CDYL: variants seen among roughly 807,000 people sequenced by gnomAD.
CDYL encodes chromodomain Y-like protein.
CDYL carries 8 observed loss-of-function variants against 47.3 expected under a neutral mutation model. The observed-to-expected ratio is 0.17, with a 90% CI of 0.10 to 0.31. The LOEUF (loss-of-function observed/expected upper bound fraction) is 0.31, where lower values mean the gene tolerates loss of function less well. CDYL is among the 10% of genes least tolerant of loss of function. CDYL has a pLI of 1.00. For missense variants in CDYL, 471 were observed against 701.4 expected, an observed-to-expected ratio of 0.67 and a Z score of 3.71; for synonymous variants, 266 against 265.0, an observed-to-expected ratio of 1.00 and a Z score of -0.04.
chr6:4,741,294 A>G (rs190606049), intron 3 of CDYL, among the ~76,000 whole-genome samples: 1 of 152,276 alleles, frequency 6.6e-6, no homozygotes, highest in African/African-American at 2.4e-5. Context: ...CACCTTCTCC[A>G]TAGTCTTAAA....
intron 2 of CDYL, among the ~76,000 whole-genome samples, chr6:4,900,828 T>TATATATATACATACAC (rs1757025805): frequency 1.0e-5 from 1 of 99,372 alleles, no homozygotes; most frequent in African/African-American, 3.6e-5. Flanking sequence ...TATATATATA[T>TATATATATACATACAC]ATCTTGCCTG....
intron 6 of CDYL, among the ~76,000 whole-genome samples, chr6:4,953,270 A>G (rs1019373896): frequency 6.6e-6 from 1 of 151,644 alleles, no homozygotes; most frequent in Admixed American, 6.6e-5. Flanking sequence ...TGTAATCCCA[A>G]CTACTCGAGA....
chr6:4,819,243 T>A (rs1393770017), intron 1 of CDYL, among the ~76,000 whole-genome samples: 1 of 151,988 alleles, frequency 6.6e-6, no homozygotes, highest in Non-Finnish European at 1.5e-5. Flanking sequence ...GCATTGGATT[T>A]AATGCTTTTA....
intron 2 of CDYL, among the ~76,000 whole-genome samples, chr6:4,903,078 G>A (rs757461650): frequency 7.8e-4 from 119 of 152,252 alleles, no homozygotes; most frequent in Non-Finnish European, 1.4e-3. Context: ...TTCTGCTTCC[G>A]TTATTAGTGT....
intron 3 of CDYL, among the ~76,000 whole-genome samples, chr6:4,769,561 T>A (rs1191757525): frequency 1.3e-5 from 2 of 152,212 alleles, no homozygotes; most frequent in Non-Finnish European, 2.9e-5. Flanking sequence ...TGCGTAAAAG[T>A]CAAAATGTTG....
chr6:4,823,544 G>T (rs558956449), intron 1 of CDYL, among the ~76,000 whole-genome samples: 2 of 152,220 alleles, frequency 1.3e-5, no homozygotes, highest in Admixed American at 1.3e-4. Context: ...TAATCACAAT[G>T]TTGTATTTGT....
chr6:4,922,038 C>T (rs758536460), intron 2 of CDYL, among the ~76,000 whole-genome samples: 4 of 152,136 alleles, frequency 2.6e-5, no homozygotes, highest in South Asian at 2.1e-4. Context: ...CTGGGTATGA[C>T]GGAGGCTGCA....
chr6:4,836,280 A>G (rs1760303501), intron 1 of CDYL: 1 of 984,604 alleles, frequency 1.0e-6, no homozygotes, highest in South Asian at 4.7e-5. Context: ...AACTACATAA[A>G]GAAGAAAAAA....
intron 2 of CDYL, chr6:4,734,621 T>C: frequency 8.5e-7 from 1 of 1,178,214 alleles, no homozygotes; most frequent in Non-Finnish European, 1.2e-6. Flanking sequence ...AGAGACCAGT[T>C]TCTATGTTCA....
chr6:4,760,376 A>G (rs1335146794), intron 3 of CDYL, among the ~76,000 whole-genome samples: 1 of 151,762 alleles, frequency 6.6e-6, no homozygotes, highest in Non-Finnish European at 1.5e-5. Flanking sequence ...GCAATACAAA[A>G]AAAAAAAAAA....
At chr6:4,938,546 T>G (rs559748649) in intron 4 of CDYL, among the ~76,000 whole-genome samples, 1 of 152,334 alleles carries the variant, frequency 6.6e-6, no homozygotes, top group East Asian at 1.9e-4. Context: ...TCAAGCTAAT[T>G]AGCATATGCA....
intron 1 of CDYL, among the ~76,000 whole-genome samples, chr6:4,862,526 TA>T (rs1761200872): frequency 1.3e-5 from 2 of 152,170 alleles, no homozygotes; most frequent in African/African-American, 4.8e-5. Context: ...TCCCTAAAAG[TA>T]ACCTCTGAAA....
At chr6:4,900,808 T>G (rs1328072143) in intron 2 of CDYL, among the ~76,000 whole-genome samples, 9 of 92,006 alleles carry the variant, frequency 9.8e-5, no homozygotes, top group African/African-American at 3.5e-4. Context: ...TATATATATA[T>G]ATATATATAT....
At chr6:4,860,193 G>A (rs991817683) in intron 1 of CDYL, among the ~76,000 whole-genome samples, 17 of 152,030 alleles carry the variant, frequency 1.1e-4, no homozygotes, top group Admixed American at 3.3e-4. Context: ...GAGCCACCAC[G>A]CCCAGCCAGT....
intron 3 of CDYL, among the ~76,000 whole-genome samples, chr6:4,738,814 T>A (rs1757746970): frequency 6.6e-6 from 1 of 152,236 alleles, no homozygotes; most frequent in Non-Finnish European, 1.5e-5. Context: ...TGGAACAATA[T>A]GTGCAGTATA....
At chr6:4,831,223 A>C (rs1439617989) in intron 1 of CDYL, among the ~76,000 whole-genome samples, 1 of 152,178 alleles carries the variant, frequency 6.6e-6, no homozygotes, top group Non-Finnish European at 1.5e-5. Flanking sequence ...TCTAACATTT[A>C]AGTCTTTAAT....
chr6:4,783,407 A>G (rs1030022320), intron 1 of CDYL, among the ~76,000 whole-genome samples: 28 of 143,900 alleles, frequency 1.9e-4, no homozygotes, highest in African/African-American at 6.6e-4. Context: ...CCTTTGCACT[A>G]TTCTTGAGAC....
chr6:4,924,371 C>T (rs1488817714), intron 2 of CDYL, among the ~76,000 whole-genome samples: 1 of 152,244 alleles, frequency 6.6e-6, no homozygotes, highest in Non-Finnish European at 1.5e-5. Flanking sequence ...TTAATGTTCT[C>T]ATTTCGTGGT....
At chr6:4,882,752 C>T (rs368029900) in intron 1 of CDYL, among the ~76,000 whole-genome samples, 1 of 152,098 alleles carries the variant, frequency 6.6e-6, no homozygotes, top group African/African-American at 2.4e-5. Context: ...GCAGCCCTGT[C>T]GAAGATTACC....
Sources: gnomAD v4.1 joint callset for allele counts (sites outside exome capture counted in the v4.1 genomes callset) on GRCh38, gnomAD v4.1.1 for gene constraint, MANE v1.5 for transcripts, NCBI Gene and HGNC (gene_info 2026-07-23, HGNC 2026-07-21) for gene names.